Variants in TMEM221 observed in about 807,000 individuals in gnomAD.
The protein encoded by TMEM221 is transmembrane protein 221, also known as Putative transmembrane protein ENSP00000342162.
Under a neutral mutation model 10.2 loss-of-function variants are expected in TMEM221, and 11 were observed. The ratio of observed to expected loss-of-function variants is 1.08; its 90% CI spans 0.68 to 1.79. The LOEUF is 1.79. Ranked by LOEUF, TMEM221 falls within the 40% of genes most tolerant of loss-of-function variation. The pLI is 0.00. For missense variants in TMEM221, 382 were observed against 417.7 expected, an observed-to-expected ratio of 0.91 and a Z score of 0.75; for synonymous variants, 172 against 199.8, an observed-to-expected ratio of 0.86 and a Z score of 1.18.
intron 1 of TMEM221, among the ~76,000 whole-genome samples, chr19:17,446,773 T>C (rs1351591005): frequency 6.6e-6 from 1 of 152,084 alleles, no homozygotes; most frequent in Non-Finnish European, 1.5e-5. Flanking sequence ...CAAACTAGAG[T>C]GCAGTGGTTA....
In TMEM221 at chr19:17,435,531, G is replaced by T. The variant is rs765783963; in HGVS notation, c.*927C>A. 5.3e-5 allele frequency: 8 copies of T among 152,200 alleles called. No individual in the cohort carries two copies. The highest frequency in any genetic ancestry group is 8.8e-5 in the Non-Finnish European group (6 of 68,078). 9.4% of individuals were successfully genotyped at this position (152,200 alleles called of 1,614,324 possible). A position where few individuals can be genotyped will look rare whatever the true frequency, so the allele number is the denominator to read the frequency against. On this transcript the variant is annotated 3_prime_UTR_variant, in exon 3 of 3. Transcript: ENST00000341130. Reference sequence around the variant, plus strand: ...AGATAGTGAATATCAGAGTTTACTTGTGGGTTGTGCAAGACAGGAGACCTT... The same window carrying T: ...AGATAGTGAATATCAGAGTTTACTTTTGGGTTGTGCAAGACAGGAGACCTT...
At position 17,448,491 on chromosome 19, in the gene TMEM221, A is replaced by G; in HGVS notation, c.-29T>C. On this transcript the variant is annotated 5_prime_UTR_variant, in exon 1 of 3. Coordinates refer to ENST00000341130, the MANE Select transcript of TMEM221 (RefSeq NM_001190844.2). This position sits in a 1 kb window ranked among gnomAD's most constrained non-coding sequence, Gnocchi z 4.7. ...GGGGGTTCCTGCGGGCCGGGGGAAGAGTTGAGGAATTGAAGTGGTTTTAGA... is the reference window on the plus strand; with the variant it reads ...GGGGGTTCCTGCGGGCCGGGGGAAGGGTTGAGGAATTGAAGTGGTTTTAGA... 1.4e-6 allele frequency: 2 copies of G among 1,429,922 alleles called. No homozygotes were observed. Among genetic ancestry groups the G allele is most frequent in the Non-Finnish European group, 1.8e-6 (2 of 1,093,038 alleles). 88.6% of individuals were successfully genotyped at this position (1,429,922 alleles called of 1,614,324 possible).
chr19:17,448,374 A>G lies in TMEM221; in HGVS notation c.89T>C (p.Leu30Pro), dbSNP rs1316199034. 6.4e-5 allele frequency: 91 copies of G among 1,426,734 alleles called. No homozygotes were observed. Among genetic ancestry groups the G allele is most frequent in the Non-Finnish European group, 8.1e-5 (89 of 1,093,164 alleles). The allele number at this position is 1,426,734 out of a possible 1,614,324, so 88.4% of individuals were successfully genotyped here. The stretch of plus-strand genomic sequence containing the variant: ...GCGGCCCGCCTGCAGCTGAAACAGC[A>G]GCTGCGCGCCCAGCGCCGCCAGCAC... ...AAVLAALGAQLLFQLQAGRAE... is the reference protein window; with the variant it reads ...AAVLAALGAQPLFQLQAGRAE... The change falls in exon 1 of 3, where the codon CTG becomes CCG. Residue 30 changes from leucine (L) to proline (P), a missense_variant. By Grantham distance (98) the Leu-to-Pro change is moderately conservative (BLOSUM62 -3). Transcript: ENST00000341130. The surrounding 1 kb of genome is among the most constrained non-coding windows in gnomAD (Gnocchi z 4.7).
Position 17,436,599 on chromosome 19 carries a change from G to A in TMEM221, c.735C>T (p.Gly245=). The change falls in exon 3 of 3, where the codon GGC becomes GGT. Residue 245 remains glycine, a synonymous_variant. Coordinates refer to ENST00000341130, the MANE Select transcript of TMEM221 (RefSeq NM_001190844.2). ...TATAPAALEG[G]WESSLPASRM... is the part of the protein sequence containing the mutation. ...TGGATGCAGGCAGGCTGCTCTCCCA[G>A]CCTCCCTCCAGGGCTGCAGGTGCTG... 1 of 1,536,136 alleles carries A rather than the reference G, an allele frequency of 6.5e-7. No individual in the cohort carries two copies. The highest frequency in any genetic ancestry group is 8.7e-7 in the Non-Finnish European group (1 of 1,146,900).
At chr19:17,441,840 T>A (rs561784836) in intron 2 of TMEM221, among the ~76,000 whole-genome samples, 1 of 134,750 alleles carries the variant, frequency 7.4e-6, no homozygotes, top group East Asian at 2.0e-4. Context: ...TTTTTTTTTT[T>A]TTTTGGCTGG....
At chr19:17,445,379 G>A (rs1285642133) in intron 1 of TMEM221, 95 bp from the exon 2 acceptor site, 1 of 1,029,938 alleles carries the variant, frequency 9.7e-7, no homozygotes, top group African/African-American at 1.6e-5. Context: ...GCTTAAATGA[G>A]ACAAGGACCC....
intron 2 of TMEM221, 78 bp from the exon 3 acceptor site, chr19:17,437,005 G>A (rs1442998755): frequency 5.1e-6 from 6 of 1,166,214 alleles, no homozygotes; most frequent in East Asian, 2.9e-5. Context: ...CTTGCACACA[G>A]GGAGAAATTA....
Position 17,448,653 on chromosome 19 carries a change from C to T in TMEM221, c.-191G>A, listed in dbSNP as rs2074963226. Reference sequence around the variant, plus strand: ...GGGGCTCCGGGGTGCTGGTCGCAGCCGGGACGCCGAATCTCCGCGAAAACT... The same window carrying T: ...GGGGCTCCGGGGTGCTGGTCGCAGCTGGGACGCCGAATCTCCGCGAAAACT... On this transcript the variant is annotated 5_prime_UTR_variant, in exon 1 of 3. Coordinates refer to ENST00000341130, the MANE Select transcript of TMEM221 (RefSeq NM_001190844.2). This position sits in a 1 kb window ranked among gnomAD's most constrained non-coding sequence, Gnocchi z 4.7. 1.6e-5 allele frequency: 6 copies of T among 383,950 alleles called. No individual in the cohort carries two copies. The highest frequency in any genetic ancestry group is 2.3e-5 in the Non-Finnish European group (5 of 217,274). 23.8% of individuals were successfully genotyped at this position (383,950 alleles called of 1,614,324 possible). A position where few individuals can be genotyped will look rare whatever the true frequency, so the allele number is the denominator to read the frequency against.
chr19:17,445,032 A>C (rs1308982260), intron 2 of TMEM221, 167 bp downstream of exon 2: 1 of 578,006 alleles, frequency 1.7e-6, no homozygotes, highest in Non-Finnish European at 3.1e-6. Flanking sequence ...ACTGATGAGG[A>C]AATCAAGGCA....
intron 2 of TMEM221, among the ~76,000 whole-genome samples, chr19:17,440,015 C>T (rs1473227143): frequency 6.6e-6 from 1 of 151,970 alleles, no homozygotes; most frequent in Non-Finnish European, 1.5e-5. Flanking sequence ...ATAGGGAGAC[C>T]AGTCCCTACA....
chr19:17,435,920 G>A lies in TMEM221; in HGVS notation c.*538C>T, dbSNP rs1482157543. ...GTGCAGTGGATTTTGCAGAGTCTGAGACTTGCACATCAGCAGCATGGAGAT... is the reference window on the plus strand; with the variant it reads ...GTGCAGTGGATTTTGCAGAGTCTGAAACTTGCACATCAGCAGCATGGAGAT... On this transcript the variant is annotated 3_prime_UTR_variant, in exon 3 of 3. Transcript: ENST00000341130. The A allele has an allele frequency of 6.6e-6, 1 of 152,530 alleles. No homozygotes were observed. Among genetic ancestry groups the A allele is most frequent in the East Asian group, 1.9e-4 (1 of 5,200 alleles). The allele number at this position is 152,530 out of a possible 1,614,324, so 9.4% of individuals were successfully genotyped here.
At chr19:17,446,793 A>G (rs1448425397) in intron 1 of TMEM221, among the ~76,000 whole-genome samples, 1 of 152,140 alleles carries the variant, frequency 6.6e-6, no homozygotes, top group African/African-American at 2.4e-5. Context: ...ATTCATAAGC[A>G]TGATCATGGC....
chr19:17,443,466 C>T lies in TMEM221; in HGVS notation c.406+1733G>A, dbSNP rs554397333. On this transcript the variant is annotated intron_variant, in intron 2 of 2. Transcript: ENST00000341130. ...TCAGTCTCCCGAGTAGCTGGGATTA[C>T]AGGCAGCTGCCACCAGGCCCAGCTA... 2.9e-3 allele frequency among the ~76,000 whole-genome samples: 444 copies of T among 151,754 alleles called. 1 individual carries two copies. The highest frequency in any genetic ancestry group is 0.01 in the African/African-American group (426 of 41,378).
chr19:17,438,458 A>T (rs2074918555), intron 2 of TMEM221, among the ~76,000 whole-genome samples: 1 of 152,088 alleles, frequency 6.6e-6, no homozygotes, highest in African/African-American at 2.4e-5. Flanking sequence ...TCCTGAGCGC[A>T]AGTGGTCCTC....
chr19:17,441,037 G>A (rs951271407), intron 2 of TMEM221, among the ~76,000 whole-genome samples: 8 of 151,974 alleles, frequency 5.3e-5, no homozygotes, highest in African/African-American at 1.7e-4. Context: ...ATGAAACCCC[G>A]TCTCTGCTAA....
At position 17,436,206 on chromosome 19, in the gene TMEM221, G is replaced by T; in HGVS notation, c.*252C>A. ...CTGGCCAGTGGGATATAAAAAGAAGGGTTTCGAGGCTTCCTGGGAAGACTT... is the reference window on the plus strand; with the variant it reads ...CTGGCCAGTGGGATATAAAAAGAAGTGTTTCGAGGCTTCCTGGGAAGACTT... On this transcript the variant is annotated 3_prime_UTR_variant, in exon 3 of 3. Transcript: ENST00000341130. 2 of 470,380 alleles carry T rather than the reference G, an allele frequency of 4.3e-6. No homozygotes were observed. Among genetic ancestry groups the T allele is most frequent in the Non-Finnish European group, 7.5e-6 (2 of 265,952 alleles). 29.1% of individuals were successfully genotyped at this position (470,380 alleles called of 1,614,324 possible).
At chr19:17,445,028 G>A in intron 2 of TMEM221, 171 bp downstream of exon 2, 2 of 571,134 alleles carry the variant, frequency 3.5e-6, no homozygotes, top group Non-Finnish European at 3.1e-6. Flanking sequence ...TTGTACTGAT[G>A]AGGAAATCAA....
intron 2 of TMEM221, among the ~76,000 whole-genome samples, chr19:17,441,665 T>G (rs1416503593): frequency 6.6e-6 from 1 of 152,152 alleles, no homozygotes; most frequent in Non-Finnish European, 1.5e-5. Context: ...AGATAGATTT[T>G]CCTGCAGCGT....
rs1182454178 is a variant in TMEM221 at position 17,448,397 on chromosome 19, C to A, written c.66G>T (p.Val22=). 3.4e-6 allele frequency: 5 copies of A among 1,457,284 alleles called. No individual in the cohort carries two copies. In the South Asian group the frequency reaches 6.5e-5, roughly 19 times the overall value. The allele number at this position is 1,457,284 out of a possible 1,614,324, so 90.3% of individuals were successfully genotyped here. The stretch of plus-strand genomic sequence containing the variant: ...GCAGCTGCGCGCCCAGCGCCGCCAG[C>A]ACGGCCGCCGCGATGCCCAGCAGGG... ...AMTLLGIAAA[V]LAALGAQLLF... The change falls in exon 1 of 3, where the codon GTG becomes GTT. Residue 22 remains valine, a synonymous_variant. Coordinates refer to ENST00000341130, the MANE Select transcript of TMEM221 (RefSeq NM_001190844.2). This position sits in a 1 kb window ranked among gnomAD's most constrained non-coding sequence, Gnocchi z 4.7.
Sources: allele counts gnomAD v4.1 joint callset (sites outside exome capture counted in the v4.1 genomes callset), GRCh38; gene constraint gnomAD v4.1.1; non-coding constraint Gnocchi (gnomAD v3.1); transcripts MANE v1.5; gene names NCBI Gene and HGNC (gene_info 2026-07-23, HGNC 2026-07-21).